Variants in LAMA2 observed in about 807,000 individuals in gnomAD.
The protein encoded by LAMA2 is laminin subunit alpha-2.
A neutral mutation model predicts 364.8 loss-of-function variants in LAMA2; 269 were observed. That is an observed-to-expected ratio of 0.74 (90% CI 0.67 to 0.82). The LOEUF is 0.82. LAMA2 is among the 40% of genes least tolerant of loss of function. The pLI is 0.00. For missense variants in LAMA2, 3,807 were observed against 3,873.2 expected, an observed-to-expected ratio of 0.98 and a Z score of 0.45; for synonymous variants, 1,379 against 1,370.6, an observed-to-expected ratio of 1.01 and a Z score of -0.14.
At chr6:129,377,128 CTT>C (rs989050342) in intron 34 of LAMA2, among the ~76,000 whole-genome samples, 44 of 152,152 alleles carry the variant, frequency 2.9e-4, no homozygotes, top group Middle Eastern at 3.4e-3. Flanking sequence ...ATAAACACCT[CTT>C]AACTATTTAT....
chr6:129,330,591 G>GTTTTTT (rs1491387157), intron 29 of LAMA2, among the ~76,000 whole-genome samples: 866 of 83,550 alleles, frequency 0.01, 39 homozygotes, highest in South Asian at 0.017. Context: ...GTTGTTGTTT[G>GTTTTTT]GTTTTTGTTT....
At chr6:129,444,411 CG>C (rs1455775563) in intron 44 of LAMA2, among the ~76,000 whole-genome samples, 2 of 152,018 alleles carry the variant, frequency 1.3e-5, no homozygotes, top group African/African-American at 4.8e-5. Flanking sequence ...AATGAACAAA[CG>C]GTTTATTAAA....
chr6:128,916,128 G>T (rs2114472229), intron 1 of LAMA2, among the ~76,000 whole-genome samples: 1 of 152,106 alleles, frequency 6.6e-6, no homozygotes, highest in East Asian at 1.9e-4. Flanking sequence ...CATCTCCCTT[G>T]GTGATGATAG....
intron 1 of LAMA2, among the ~76,000 whole-genome samples, chr6:128,910,259 C>G (rs1483373280): frequency 6.6e-6 from 1 of 152,274 alleles, no homozygotes; most frequent in Non-Finnish European, 1.5e-5. Context: ...TTCTCCCCGT[C>G]ACTTTCAGGT....
At chr6:128,895,026 C>T (rs1037132079) in intron 1 of LAMA2, among the ~76,000 whole-genome samples, 3 of 152,188 alleles carry the variant, frequency 2.0e-5, no homozygotes, top group Non-Finnish European at 1.5e-5. Flanking sequence ...CCTGCCTCTT[C>T]ACCAATTCTA....
intron 12 of LAMA2, among the ~76,000 whole-genome samples, chr6:129,231,133 A>G (rs1290073514): frequency 6.6e-6 from 1 of 152,020 alleles, no homozygotes; most frequent in Non-Finnish European, 1.5e-5. Context: ...ATTTTTTTCT[A>G]TATGTTCCCC....
At position 129,143,023 on chromosome 6, in the gene LAMA2, T is replaced by C. The variant is rs115983817; in HGVS notation, c.640-878T>C. ...ATCCTTCCTTTATCCGTGCCAACAG[T>C]ACCTTTTATTTTGTCACACAGTTTA... is the stretch of plus-strand genomic sequence containing the variant. On this transcript the variant is annotated intron_variant, in intron 4 of 64. Coordinates refer to ENST00000421865, the MANE Select transcript of LAMA2 (RefSeq NM_000426.4). Among the ~76,000 whole-genome samples, 1,352 of 152,126 alleles carry C rather than the reference T, an allele frequency of 8.9e-3. 17 individuals are homozygous for C. Among genetic ancestry groups the C allele is most frequent in the African/African-American group, 0.031 (1,280 of 41,526 alleles).
At chr6:129,286,199 A>T (rs1164889469) in intron 18 of LAMA2, among the ~76,000 whole-genome samples, 2 of 152,058 alleles carry the variant, frequency 1.3e-5, no homozygotes, top group Non-Finnish European at 1.5e-5. Context: ...ATATTCTCCC[A>T]CATTGTTTTT....
At chr6:129,072,034 C>G (rs917955409) in intron 3 of LAMA2, among the ~76,000 whole-genome samples, 5 of 152,094 alleles carry the variant, frequency 3.3e-5, no homozygotes, top group African/African-American at 1.2e-4. Context: ...GTAGTCCCAG[C>G]TATTCTGGAG....
chr6:129,117,941 C>T (rs147529124), intron 4 of LAMA2, among the ~76,000 whole-genome samples: 125 of 152,196 alleles, frequency 8.2e-4, no homozygotes, highest in African/African-American at 2.9e-3. Context: ...CCTCAAACTG[C>T]CTGTGTTTGC....
chr6:129,330,271 A>C (rs1008880412), intron 29 of LAMA2, among the ~76,000 whole-genome samples: 1 of 152,118 alleles, frequency 6.6e-6, no homozygotes, highest in Non-Finnish European at 1.5e-5. Context: ...ATCCTAGTCC[A>C]TGGAAAAATT....
At chr6:128,883,946 A>T (rs1775999647) in intron 1 of LAMA2, among the ~76,000 whole-genome samples, 1 of 151,888 alleles carries the variant, frequency 6.6e-6, no homozygotes, top group Non-Finnish European at 1.5e-5. Flanking sequence ...CTCCAGCCTC[A>T]CCTTTTTCAA....
At chr6:129,306,305 AT>A (rs1211654733) in intron 22 of LAMA2, among the ~76,000 whole-genome samples, 19 of 88,114 alleles carry the variant, frequency 2.2e-4, no homozygotes, top group African/African-American at 7.7e-4. Flanking sequence ...GCTGACAATA[AT>A]TTTTTCCTTT....
At chr6:129,380,591 A>G (rs1778626311) in intron 34 of LAMA2, among the ~76,000 whole-genome samples, 3 of 152,152 alleles carry the variant, frequency 2.0e-5, no homozygotes, top group Admixed American at 2.0e-4. Context: ...TGGCCACGCT[A>G]AGGAGAAGCA....
intron 12 of LAMA2, among the ~76,000 whole-genome samples, chr6:129,194,067 T>C (rs1246838661): frequency 6.6e-6 from 1 of 152,198 alleles, no homozygotes; most frequent in East Asian, 1.9e-4. Flanking sequence ...AACTTTTATT[T>C]GCAAGGCCCT....
At chr6:129,482,079 G>A (rs946192867) in intron 55 of LAMA2, among the ~76,000 whole-genome samples, 3 of 152,180 alleles carry the variant, frequency 2.0e-5, no homozygotes, top group African/African-American at 7.2e-5. Context: ...GTCAAAGCAG[G>A]AGGATCGTTT....
Position 129,256,512 on chromosome 6 carries a change from C to T in LAMA2, c.2097-4199C>T, listed in dbSNP as rs976556509. Among the ~76,000 whole-genome samples, 4 of 151,768 alleles carry T rather than the reference C, an allele frequency of 2.6e-5. No homozygotes were observed. The South Asian group carries it at 6.2e-4, about 24-fold the overall frequency. ...GACAGATATACATATACATACTGTA[C>T]ATTTATGATAATATAAATAGTGCAG... On this transcript the variant is annotated intron_variant, in intron 14 of 64. Transcript: ENST00000421865.
Position 129,198,321 on chromosome 6 carries a change from G to A in LAMA2, c.1782+5468G>A, listed in dbSNP as rs916072360. Among the ~76,000 whole-genome samples the A allele has an allele frequency of 1.1e-4, 17 of 151,932 alleles. 1 individual carries two copies. The highest frequency in any genetic ancestry group is 3.9e-4 in the African/African-American group (16 of 41,376). ...TTAATATACATGACCCAAGTCATCA[G>A]CTAATAAACCAAGAAATCCAAATTA... On this transcript the variant is annotated intron_variant, in intron 12 of 64. Transcript: ENST00000421865.
chr6:128,921,714 A>ATTTTCTT (rs1229128215), intron 1 of LAMA2, among the ~76,000 whole-genome samples: 2 of 110,314 alleles, frequency 1.8e-5, no homozygotes, highest in African/African-American at 7.0e-5. Flanking sequence ...TTTTTTTTTT[A>ATTTTCTT]TTATTATTAT....
Sources: allele counts gnomAD v4.1 joint callset (sites outside exome capture counted in the v4.1 genomes callset), GRCh38; gene constraint gnomAD v4.1.1; transcripts MANE v1.5; gene names NCBI Gene and HGNC (gene_info 2026-07-23, HGNC 2026-07-21).